Variants in PSD4 observed in about 807,000 individuals in gnomAD.
PSD4 encodes pleckstrin and Sec7 domain containing 4.
In PSD4, 59 loss-of-function variants were observed where a neutral mutation model predicts 112.5. That is an observed-to-expected ratio of 0.52 (90% confidence interval 0.43 to 0.65). The LOEUF is 0.65. Ranked by LOEUF, PSD4 falls within the 30% of genes least tolerant of loss-of-function variation. PSD4 has a pLI of 0.00. For missense variants in PSD4, 1,267 were observed against 1,352.6 expected (o/e 0.94, Z 0.99); for synonymous variants, 533 against 540.0 (o/e 0.99, Z 0.18).
rs1192579351 is a variant in PSD4 at position 113,174,053 on chromosome 2, A to T, written c.-113A>T. 2.0e-5 allele frequency: 3 copies of T among 152,472 alleles called. No individual in the cohort carries two copies. The highest frequency in any genetic ancestry group is 4.4e-5 in the Non-Finnish European group (3 of 68,328). The allele number at this position is 152,472 out of a possible 1,614,324, so 9.4% of individuals were successfully genotyped here. ...AGCCATCCATTCTTGGGTCCTTTGG[A>T]GGTGAGCTAAGTGGGTCTGCCTAGG... On this transcript the variant is annotated splice_region_variant and 5_prime_UTR_variant, in exon 1 of 17. Transcript: ENST00000245796.
At chr2:113,180,587 C>T (rs369366108) in intron 1 of PSD4, among the ~76,000 whole-genome samples, 2 of 152,122 alleles carry the variant, frequency 1.3e-5, no homozygotes, top group African/African-American at 4.8e-5. Flanking sequence ...GGTGGATGGT[C>T]TGGGGTCGGA....
intron 2 of PSD4, 122 bp downstream of exon 2, chr2:113,183,634 C>T: frequency 1.1e-6 from 1 of 950,596 alleles, no homozygotes; most frequent in Non-Finnish European, 1.5e-6. Flanking sequence ...GGATAACCTG[C>T]ATCAGTATAT....
Position 113,184,921 on chromosome 2 carries a change from C to T in PSD4, c.1057-36C>T, listed in dbSNP as rs751793643. On this transcript the variant is annotated intron_variant, in intron 2 of 16. Transcript: ENST00000245796. ...CAATTTTCCTCTAGTCACCTCTCCTCTCCTTCTCTCCTCTGTCTCTCTCTC... is the reference window on the plus strand; with the variant it reads ...CAATTTTCCTCTAGTCACCTCTCCTTTCCTTCTCTCCTCTGTCTCTCTCTC... 4.3e-6 allele frequency: 7 copies of T among 1,612,374 alleles called. No individual in the cohort carries two copies. In the South Asian group the frequency reaches 6.6e-5, roughly 15 times the overall value.
intron 1 of PSD4, among the ~76,000 whole-genome samples, chr2:113,176,227 C>T (rs17043051): frequency 0.083 from 12,607 of 152,264 alleles, 1,197 homozygotes; most frequent in East Asian, 0.5. Context: ...TGTTAGAAAG[C>T]ACCGTCCGGG....
rs1687955893 is a variant in PSD4, at chr2:113,175,712, C to T, written c.-112+1658C>T. ...GCTCAAAAAGGGAAACAGAGACAGG[C>T]ACCCTCCGGATGAAGGTTCAGGGCT... On this transcript the variant is annotated intron_variant, in intron 1 of 16. Coordinates refer to ENST00000245796, the MANE Select transcript of PSD4 (RefSeq NM_012455.3). 6.6e-5 allele frequency among the ~76,000 whole-genome samples: 10 copies of T among 152,314 alleles called. No individual in the cohort carries two copies. The South Asian group carries it at 2.1e-3, about 32-fold the overall frequency.
intron 16 of PSD4, 101 bp from the exon 17 acceptor site, chr2:113,201,057 C>T (rs1295693507): frequency 1.5e-5 from 22 of 1,472,862 alleles, no homozygotes; most frequent in African/African-American, 2.8e-5. Flanking sequence ...AGGTCTGTAT[C>T]GCCATAGCTT....
rs751014443 is a variant in PSD4 at position 113,192,582 on chromosome 2, CAGA to C, written c.1837_1838+1del. ...GAAGTCTGAAGTGGCTGCCTACCTG[CAGA>C]AGAAGTAAGGGGCTTTGAGCCTGGG... On this transcript the variant is annotated inframe_deletion, in exon 6 of 17. Transcript: ENST00000245796. The C allele has an allele frequency of 2.5e-6, 4 of 1,614,060 alleles. No individual in the cohort carries two copies. The highest frequency in any genetic ancestry group is 2.5e-6 in the Non-Finnish European group (3 of 1,179,940).
intron 1 of PSD4, among the ~76,000 whole-genome samples, chr2:113,176,126 G>A (rs1437716167): frequency 6.6e-6 from 1 of 152,190 alleles, no homozygotes; most frequent in African/African-American, 2.4e-5. Flanking sequence ...CTCAGGGCAG[G>A]CTCATACCCC....
rs1688170448 is a variant in PSD4, at chr2:113,182,633, C to G, written c.177C>G (p.Thr59=). 6.2e-7 allele frequency: 1 copy of G among 1,613,970 alleles called. No homozygotes were observed. ...GGGCCACTGACCCTCCTGAACCTAC[C>G]AGACAAAATGTTCCTCCCTGGGGCT... The part of the protein sequence containing the change: ...QTWATDPPEP[T]RQNVPPWGSG... Residue 59 remains threonine (T), a synonymous_variant, in exon 2 of 17, where the codon ACC becomes ACG. Coordinates refer to ENST00000245796, the MANE Select transcript of PSD4 (RefSeq NM_012455.3).
intron 5 of PSD4, among the ~76,000 whole-genome samples, chr2:113,188,772 G>T (rs1312772914): frequency 6.6e-6 from 1 of 152,024 alleles, no homozygotes; most frequent in Non-Finnish European, 1.5e-5. Flanking sequence ...AGTAGAGACG[G>T]GGTTTCCCCG....
Position 113,182,812 on chromosome 2 carries a change from C to G in PSD4, c.356C>G (p.Pro119Arg), listed in dbSNP as rs1415348150. Reference sequence around the variant, plus strand: ...GTGGAGCTCACACACCTGGGGAGCCCCTCTGCCCAGAGGGAGCACAGGCAG... The same window carrying G: ...GTGGAGCTCACACACCTGGGGAGCCGCTCTGCCCAGAGGGAGCACAGGCAG... ...SGVELTHLGSPSAQREHRQNT... is the reference protein window; with the variant it reads ...SGVELTHLGSRSAQREHRQNT... The change falls in exon 2 of 17, where the codon CCC (proline) becomes CGC (arginine). Residue 119 changes from proline to arginine, a missense_variant. By Grantham distance (103) the Pro-to-Arg change is moderately radical (BLOSUM62 -2). This residue lies in a region of PSD4 where 723 missense variants were observed against 704.0 expected (regional missense o/e 1.03). Coordinates refer to ENST00000245796, the MANE Select transcript of PSD4 (RefSeq NM_012455.3). The G allele has an allele frequency of 1.9e-6, 3 of 1,609,500 alleles. No individual in the cohort carries two copies. The Admixed American group carries it at 5.0e-5, about 27-fold the overall frequency.
chr2:113,193,469 T>C (rs1344479677), intron 8 of PSD4, 99 bp downstream of exon 8: 7 of 1,482,910 alleles, frequency 4.7e-6, no homozygotes, highest in Admixed American at 1.7e-5. Flanking sequence ...TGGGAGTGTG[T>C]TGGGGGCTGT....
At chr2:113,178,735 T>C (rs1688044096) in intron 1 of PSD4, among the ~76,000 whole-genome samples, 1 of 152,074 alleles carries the variant, frequency 6.6e-6, no homozygotes, top group Non-Finnish European at 1.5e-5. Flanking sequence ...GGGTTGGCGT[T>C]ATCCTGGCAA....
chr2:113,183,005 G>T lies in PSD4; in HGVS notation c.549G>T (p.Gly183=). The T allele has an allele frequency of 2.5e-6, 4 of 1,614,078 alleles. No homozygotes were observed. Among genetic ancestry groups the T allele is most frequent in the African/African-American group, 1.3e-5 (1 of 75,042 alleles). ...AGAAGACGGAAGGGCTCAAGGCTGG[G>T]CTGAAATGCTGTCTCCCCACGCCCC... The part of the protein sequence containing the change: ...ELEKTEGLKA[G]LKCCLPTPPV... Residue 183 remains glycine, a synonymous_variant, in exon 2 of 17, where the codon GGG becomes GGT. Transcript: ENST00000245796.
chr2:113,181,121 G>A (rs1312171546), intron 1 of PSD4, among the ~76,000 whole-genome samples: 1 of 151,796 alleles, frequency 6.6e-6, no homozygotes. Context: ...CTAGCTACTC[G>A]GGAGGCTGAG....
At position 113,185,925 on chromosome 2, in the gene PSD4, C is replaced by A; in HGVS notation, c.1298C>A (p.Ala433Asp). 1 of 1,613,282 alleles carries A rather than the reference C, an allele frequency of 6.2e-7. No individual in the cohort carries two copies. Among genetic ancestry groups the A allele is most frequent in the Non-Finnish European group, 8.5e-7 (1 of 1,179,496 alleles). The change falls in exon 5 of 17, where the codon GCC (alanine) becomes GAC (aspartate). Residue 433 changes from alanine to aspartate, a missense_variant. Ala to Asp is a moderately radical substitution (Grantham distance 126). Transcript: ENST00000245796. Reference protein sequence around the residue: ...HPQESLPCTLAPCPWRSPASS... With the variant: ...HPQESLPCTLDPCPWRSPASS... ...CAGGAATCTCTTCCCTGCACCTTGG[C>A]CCCCTGCCCCTGGAGGAGCCCAGCT...
rs183696900 is a variant in PSD4, at chr2:113,205,724, A to G, written c.*4309A>G. 1 of 152,234 alleles carries G rather than the reference A, an allele frequency of 6.6e-6. No homozygotes were observed. The highest frequency in any genetic ancestry group is 6.5e-5 in the Admixed American group (1 of 15,284). 9.4% of individuals were successfully genotyped at this position (152,234 alleles called of 1,614,324 possible). ...ATGCACTGTACTATTTGTGTAACTT[A>G]TATGTAAATCTGAAATTATTTCAAA... is the stretch of plus-strand genomic sequence containing the variant. On this transcript the variant is annotated 3_prime_UTR_variant, in exon 17 of 17. Coordinates refer to ENST00000245796, the MANE Select transcript of PSD4 (RefSeq NM_012455.3).
At chr2:113,188,472 G>C (rs990482993) in intron 5 of PSD4, among the ~76,000 whole-genome samples, 1 of 152,156 alleles carries the variant, frequency 6.6e-6, no homozygotes, top group Non-Finnish European at 1.5e-5. Context: ...TCGAACTCTT[G>C]ATCAGACTTG....
chr2:113,174,938 G>A (rs1687927906), intron 1 of PSD4, among the ~76,000 whole-genome samples: 2 of 152,146 alleles, frequency 1.3e-5, no homozygotes, highest in Non-Finnish European at 2.9e-5. Context: ...CCGTTCATTG[G>A]ACCTTGGACC....
Sources: gnomAD v4.1 joint callset for allele counts (sites outside exome capture counted in the v4.1 genomes callset) on GRCh38, gnomAD v4.1.1 for gene constraint, gnomAD v4.1.1 regional missense constraint, MANE v1.5 for transcripts, NCBI Gene and HGNC (gene_info 2026-07-23, HGNC 2026-07-21) for gene names.